HNRNPA2B1: variants seen among roughly 807,000 people sequenced by gnomAD.
HNRNPA2B1 encodes the protein heterogeneous nuclear ribonucleoprotein A2/B1.
Under a neutral mutation model 46.3 loss-of-function variants are expected in HNRNPA2B1, and 3 were observed. The observed-to-expected ratio is 0.06, with a 90% CI of 0.03 to 0.17. The LOEUF (loss-of-function observed/expected upper bound fraction) is 0.17, where lower values mean the gene tolerates loss of function less well. HNRNPA2B1 is among the 10% of genes least tolerant of loss of function. HNRNPA2B1 has a pLI of 1.00. For synonymous variants in HNRNPA2B1, 225 were observed against 133.8 expected (o/e 1.68, Z -4.70); for missense variants, 221 against 418.9 (o/e 0.53, Z 4.12).
At chr7:26,194,799 A>T (rs1419477926) in intron 7 of HNRNPA2B1, among the ~76,000 whole-genome samples, 8 of 116,890 alleles carry the variant, frequency 6.8e-5, no homozygotes, top group South Asian at 3.0e-4. Context: ...AAACAAAAAT[A>T]AAAAAAAAAA....
intron 1 of HNRNPA2B1, 81 bp downstream of exon 1, chr7:26,200,491 A>T: frequency 4.3e-6 from 6 of 1,405,976 alleles, no homozygotes; most frequent in Non-Finnish European, 6.0e-6. Context: ...TCTCCCACGG[A>T]GGCGGCTGGC....
chr7:26,195,952 C>A, intron 6 of HNRNPA2B1, 43 bp from the exon 7 acceptor site: 1 of 1,564,416 alleles, frequency 6.4e-7, no homozygotes, highest in Non-Finnish European at 8.6e-7. Flanking sequence ...ATAAACTGTT[C>A]AGCATTATTG....
At chr7:26,199,782 A>G (rs1784151178) in intron 1 of HNRNPA2B1, 2 of 152,176 alleles carry the variant, frequency 1.3e-5, no homozygotes, top group South Asian at 2.1e-4. Flanking sequence ...AAAACATAAA[A>G]TGGTTTCTTT....
In HNRNPA2B1 at chr7:26,195,793, G is replaced by A. The variant is rs75904946; in HGVS notation, c.721+54C>T. The A allele has an allele frequency of 0.013, 20,933 of 1,570,012 alleles. 811 individuals are homozygous for A. Among genetic ancestry groups the A allele is most frequent in the Admixed American group, 0.1 (5,331 of 52,160 alleles). On this transcript the variant is annotated intron_variant, in intron 7 of 10. Coordinates refer to ENST00000618183, the MANE Select transcript of HNRNPA2B1 (RefSeq NM_002137.4). ...CAAAATATAAATGAAGTAAATATAC[G>A]ATATAGTTAAGTATTAGTCACATAA...
intron 8 of HNRNPA2B1, 84 bp from the exon 9 acceptor site, chr7:26,193,457 C>CA: frequency 6.5e-7 from 1 of 1,535,278 alleles, no homozygotes; most frequent in Non-Finnish European, 8.8e-7. Flanking sequence ...CAAATAAAAG[C>CA]AAACACTTAT....
chr7:26,200,068 A>T (rs1668753537), intron 1 of HNRNPA2B1: 1 of 166,838 alleles, frequency 6.0e-6, no homozygotes, highest in Non-Finnish European at 1.3e-5. Context: ...ACTTCTTGAT[A>T]GAGAAAGCAC....
At chr7:26,194,162 C>T (rs894107738) in intron 7 of HNRNPA2B1, among the ~76,000 whole-genome samples, 10 of 151,842 alleles carry the variant, frequency 6.6e-5, no homozygotes, top group Non-Finnish European at 1.0e-4. Flanking sequence ...TTGGGAAGGC[C>T]GAGGCGGACG....
chr7:26,195,807 TTA>T, intron 7 of HNRNPA2B1, 38 bp downstream of exon 7: 1 of 1,600,286 alleles, frequency 6.2e-7, no homozygotes, highest in Non-Finnish European at 8.5e-7. Context: ...TAGTTAAGTA[TTA>T]GTCACATAAA....
At chr7:26,197,933 C>CGTCG in intron 1 of HNRNPA2B1, 5 of 1,131,100 alleles carry the variant, frequency 4.4e-6, no homozygotes, top group Admixed American at 3.0e-5. Context: ...AGTTGTGTTA[C>CGTCG]ACCAAAAAAT....
intron 1 of HNRNPA2B1, chr7:26,200,162 G>C (rs536359656): frequency 4.4e-6 from 1 of 228,510 alleles, no homozygotes; most frequent in South Asian, 6.9e-5. Context: ...CGGTTCCCGG[G>C]AGAGAGGGGG....
chr7:26,192,908 A>C (rs1017519986), intron 9 of HNRNPA2B1, among the ~76,000 whole-genome samples: 1 of 152,190 alleles, frequency 6.6e-6, no homozygotes, highest in African/African-American at 2.4e-5. Context: ...AAGCTAAGCA[A>C]TGGTTTGAAT....
At chr7:26,200,343 T>G in intron 1 of HNRNPA2B1, 1 of 592,268 alleles carries the variant, frequency 1.7e-6, no homozygotes, top group South Asian at 1.9e-5. Flanking sequence ...AAGCTCCCCA[T>G]CCCCCACCCC....
chr7:26,197,585 A>C, intron 2 of HNRNPA2B1, 37 bp downstream of exon 2: 1 of 1,572,042 alleles, frequency 6.4e-7, no homozygotes, highest in Non-Finnish European at 8.7e-7. Flanking sequence ...TACAGCTAAA[A>C]GACTAATATC....
chr7:26,192,701 G>A, intron 9 of HNRNPA2B1, 124 bp from the exon 10 acceptor site: 1 of 781,888 alleles, frequency 1.3e-6, no homozygotes, highest in Admixed American at 2.2e-5. Context: ...CTAATCCTTT[G>A]CAGCCAGTTA....
intron 1 of HNRNPA2B1, chr7:26,199,956 G>A (rs1399858353): frequency 1.3e-5 from 2 of 152,546 alleles, no homozygotes; most frequent in East Asian, 1.9e-4. Flanking sequence ...CTTTAATGAG[G>A]TGCGCAGGAC....
At chr7:26,195,220 G>A (rs992243935) in intron 7 of HNRNPA2B1, among the ~76,000 whole-genome samples, 1 of 150,924 alleles carries the variant, frequency 6.6e-6, no homozygotes, top group African/African-American at 2.4e-5. Context: ...GTAGAACAGT[G>A]AGATACACTA....
chr7:26,198,760 A>C (rs1417696020), intron 1 of HNRNPA2B1: 2 of 152,256 alleles, frequency 1.3e-5, no homozygotes, highest in Admixed American at 6.5e-5. Context: ...GATATCCAGG[A>C]CCAACTGCTA....
intron 7 of HNRNPA2B1, among the ~76,000 whole-genome samples, chr7:26,194,519 CA>C (rs1783287755): frequency 6.7e-6 from 1 of 148,212 alleles, no homozygotes; most frequent in South Asian, 2.1e-4. Flanking sequence ...GGCAACACAG[CA>C]AAACCCCCAC....
chr7:26,195,695 A>G, intron 7 of HNRNPA2B1, 152 bp downstream of exon 7: 1 of 792,278 alleles, frequency 1.3e-6, no homozygotes, highest in Non-Finnish European at 1.9e-6. Flanking sequence ...TAAGATGGCA[A>G]AACTACTTAG....
Sources: gnomAD v4.1 joint callset for allele counts (sites outside exome capture counted in the v4.1 genomes callset) on GRCh38, gnomAD v4.1.1 for gene constraint, MANE v1.5 for transcripts, NCBI Gene and HGNC (gene_info 2026-07-23, HGNC 2026-07-21) for gene names.